Variants in GPR75 observed in about 807,000 individuals in gnomAD.
GPR75 encodes G protein-coupled receptor 75, also known as probable G protein-coupled receptor 75.
GPR75 carries 27 observed loss-of-function variants against 26.0 expected under a neutral mutation model. The ratio of observed to expected loss-of-function variants is 1.04; its 90% CI spans 0.77 to 1.43. The LOEUF (loss-of-function observed/expected upper bound fraction) is 1.43, where lower values mean the gene tolerates loss of function less well. Ranked by LOEUF, GPR75 falls within the 40% of genes most tolerant of loss-of-function variation. The pLI is 0.00. For missense variants in GPR75, 699 were observed against 662.3 expected (o/e 1.06, Z -0.61); for synonymous variants, 285 against 256.3 (o/e 1.11, Z -1.07).
intron 1 of GPR75, 38 bp downstream of exon 1, chr2:53,859,790 G>C (rs1364074320): frequency 6.8e-7 from 1 of 1,469,598 alleles, no homozygotes; most frequent in Admixed American, 2.1e-5. Context: ...CTCCGGCATC[G>C]TGGGGTTGTC....
rs1678185458 is a variant in GPR75, at chr2:53,854,824, A to AGTGATATGTGACAATGTGT, written c.-69_-68insACACATTGTCACATATCAC. The AGTGATATGTGACAATGTGT allele has an allele frequency of 3.2e-6, 4 of 1,255,980 alleles. No individual in the cohort carries two copies. The South Asian group carries it at 4.1e-5, about 13-fold the overall frequency. 77.8% of individuals were successfully genotyped at this position (1,255,980 alleles called of 1,614,324 possible). On this transcript the variant is annotated 5_prime_UTR_variant, in exon 2 of 2. An upstream open reading frame in the 5' UTR loses its in-frame stop. Transcript: ENST00000394705. ...TCAGTGAGTCAGGGCCTCAGCTCAC[A>AGTGATATGTGACAATGTGT]GATGAGCAATATGTGACAAAAGAGG...
Position 53,853,778 on chromosome 2 carries a change from C to T in GPR75, c.979G>A (p.Val327Met), listed in dbSNP as rs1450354970. 4.3e-6 allele frequency: 7 copies of T among 1,614,222 alleles called. No individual in the cohort carries two copies. The highest frequency in any genetic ancestry group is 5.1e-6 in the Non-Finnish European group (6 of 1,180,038). Residue 327 changes from valine to methionine, a missense_variant, in exon 2 of 2, where the codon GTG becomes ATG. Coordinates refer to ENST00000394705, the MANE Select transcript of GPR75 (RefSeq NM_006794.4). ...AGACAGCACACCAGGACTGACAGCA[C>T]AATGATCACACAGGTGACCACGGCT... ...SKAVVTCVII[V>M]LSVLVCCLPL...
Position 53,858,647 on chromosome 2 carries a change from T to C in GPR75, c.-110+1181A>G, listed in dbSNP as rs373206397. On this transcript the variant is annotated intron_variant, in intron 1 of 1. Transcript: ENST00000394705. ...GGAAAGTAAACTCAGGTCTTAGTAG[T>C]AACTCCTGAGACTTTAAGAAAAAGG... Among the ~76,000 whole-genome samples, 5 of 152,292 alleles carry C rather than the reference T, an allele frequency of 3.3e-5. No individual in the cohort carries two copies. The East Asian group carries it at 7.7e-4, about 23-fold the overall frequency.
In GPR75 at chr2:53,854,149, A is replaced by G. The variant is rs138609981; in HGVS notation, c.608T>C (p.Ile203Thr). 3.7e-6 allele frequency: 6 copies of G among 1,614,188 alleles called. No individual in the cohort carries two copies. Among genetic ancestry groups the G allele is most frequent in the Non-Finnish European group, 5.1e-6 (6 of 1,180,024 alleles). Residue 203 changes from isoleucine to threonine, a missense_variant, in exon 2 of 2, where the codon ATT becomes ACT. Transcript: ENST00000394705. ...SSLIAGKGKA[I>T]LSLYVVDFTF... ...GAAGTCGACCACATAGAGAGACAAAATGGCTTTCCCTTTTCCAGCAATCAG... is the reference window on the plus strand; with the variant it reads ...GAAGTCGACCACATAGAGAGACAAAGTGGCTTTCCCTTTTCCAGCAATCAG...
chr2:53,859,821 C>T lies in GPR75; in HGVS notation c.-110+7G>A, dbSNP rs1678332122. ...TTGTCCTCCTCCAGGGGCCCGCGGCCTCTCACCTGCCGGGTGGCCGCAGCG... is the reference window on the plus strand; with the variant it reads ...TTGTCCTCCTCCAGGGGCCCGCGGCTTCTCACCTGCCGGGTGGCCGCAGCG... On this transcript the variant is annotated splice_region_variant and intron_variant, in intron 1 of 1. Coordinates refer to ENST00000394705, the MANE Select transcript of GPR75 (RefSeq NM_006794.4). The T allele has an allele frequency of 1.3e-6, 2 of 1,529,718 alleles. No individual in the cohort carries two copies. Among genetic ancestry groups the T allele is most frequent in the South Asian group, 2.4e-5 (2 of 82,892 alleles). The allele number at this position is 1,529,718 out of a possible 1,614,324, so 94.8% of individuals were successfully genotyped here. A position where few individuals can be genotyped will look rare whatever the true frequency, so the allele number is the denominator to read the frequency against.
intron 1 of GPR75, among the ~76,000 whole-genome samples, chr2:53,857,111 C>T (rs1678251369): frequency 6.7e-6 from 1 of 150,092 alleles, no homozygotes; most frequent in Non-Finnish European, 1.5e-5. Context: ...CTACAGGCGC[C>T]CGCCACCGTG....
Position 53,853,214 on chromosome 2 carries a change from T to C in GPR75, c.1543A>G (p.Met515Val). Reference protein sequence around the residue: ...SFGFANSYIAMHYHTTNDLVQ... With the variant: ...SFGFANSYIAVHYHTTNDLVQ... Reference sequence around the variant, plus strand: ...AAGTCATTAGTGGTGTGATAATGCATGGCAATATATGAATTGGCAAATCCA... The same window carrying C: ...AAGTCATTAGTGGTGTGATAATGCACGGCAATATATGAATTGGCAAATCCA... Residue 515 changes from methionine (M) to valine (V), a missense_variant, in exon 2 of 2, where the codon ATG becomes GTG. Met to Val is a conservative substitution (Grantham distance 21). Transcript: ENST00000394705. The C allele has an allele frequency of 1.9e-6, 3 of 1,613,318 alleles. No individual in the cohort carries two copies. The highest frequency in any genetic ancestry group is 2.5e-6 in the Non-Finnish European group (3 of 1,179,226).
At position 53,853,489 on chromosome 2, in the gene GPR75, G is replaced by A. The variant is rs1678143730; in HGVS notation, c.1268C>T (p.Ser423Phe). The change falls in exon 2 of 2, where the codon TCC (serine) becomes TTC (phenylalanine). Residue 423 changes from serine (S) to phenylalanine (F), a missense_variant. Transcript: ENST00000394705. ...GNLEVNRNKS[S>F]HHETNSAYML... is the part of the protein sequence containing the mutation. ...GTAGGCAGAGTTTGTTTCATGATGGGAGGATTTGTTTCTGTTGACTTCGAG... is the reference window on the plus strand; with the variant it reads ...GTAGGCAGAGTTTGTTTCATGATGGAAGGATTTGTTTCTGTTGACTTCGAG... 2 of 1,614,070 alleles carry A rather than the reference G, an allele frequency of 1.2e-6. No homozygotes were observed. The highest frequency in any genetic ancestry group is 1.7e-6 in the Non-Finnish European group (2 of 1,179,974).
chr2:53,854,046 C>T lies in GPR75; in HGVS notation c.711G>A (p.Lys237=). 1 of 1,614,174 alleles carries T rather than the reference C, an allele frequency of 6.2e-7. No individual in the cohort carries two copies. Among genetic ancestry groups the T allele is most frequent in the Non-Finnish European group, 8.5e-7 (1 of 1,179,998 alleles). The change falls in exon 2 of 2, where the codon AAG becomes AAA. Residue 237 remains lysine, a synonymous_variant. Coordinates refer to ENST00000394705, the MANE Select transcript of GPR75 (RefSeq NM_006794.4). ...CATCGACTGTGATTACAGGGGGGCACTTTCTGACTTGAGCGTTCTTCCGCA... is the reference window on the plus strand; with the variant it reads ...CATCGACTGTGATTACAGGGGGGCATTTTCTGACTTGAGCGTTCTTCCGCA... The part of the protein sequence containing the change: ...QTLRKNAQVR[K]CPPVITVDAS...
At position 53,854,380 on chromosome 2, in the gene GPR75, G is replaced by C; in HGVS notation, c.377C>G (p.Ser126Ter). The C allele has an allele frequency of 2.5e-6, 4 of 1,614,102 alleles. No homozygotes were observed. Among genetic ancestry groups the C allele is most frequent in the Non-Finnish European group, 3.4e-6 (4 of 1,179,994 alleles). The change falls in exon 2 of 2, where the codon TCA (serine) becomes TGA (stop). Residue 126 changes from serine to a stop codon, truncating the protein, a stop_gained. Transcript: ENST00000394705. LOFTEE classifies it high-confidence loss of function. ...CTTCAGAGACATGATGATGAAGCCT[G>C]AACTGGTGAGATGGAAAGTGAAGCA... The part of the protein sequence containing the change: ...AFCFTFHLTS[S>*]GFIIMSLKTV...
intron 1 of GPR75, among the ~76,000 whole-genome samples, chr2:53,855,342 T>C (rs1219762999): frequency 6.6e-6 from 1 of 152,230 alleles, no homozygotes; most frequent in Non-Finnish European, 1.5e-5. Context: ...AGCAGATTTC[T>C]TGGCCTCGCC....
chr2:53,857,151 T>C (rs1051579786), intron 1 of GPR75, among the ~76,000 whole-genome samples: 1 of 150,554 alleles, frequency 6.6e-6, no homozygotes, highest in South Asian at 2.1e-4. Flanking sequence ...GTATTTTTAG[T>C]AGAGACGGGG....
At chr2:53,858,178 A>G (rs1478262664) in intron 1 of GPR75, among the ~76,000 whole-genome samples, 1 of 152,200 alleles carries the variant, frequency 6.6e-6, no homozygotes, top group Admixed American at 6.5e-5. Context: ...TAACCCGAAC[A>G]ACAAAAAAAC....
chr2:53,859,567 C>T (rs938201467), intron 1 of GPR75, among the ~76,000 whole-genome samples: 6 of 87,756 alleles, frequency 6.8e-5, no homozygotes, highest in African/African-American at 1.6e-4. Context: ...CAAAAGAATG[C>T]CGCAGAGGGG....
intron 1 of GPR75, among the ~76,000 whole-genome samples, chr2:53,855,438 C>A (rs1678201463): frequency 6.6e-6 from 1 of 152,116 alleles, no homozygotes; most frequent in Admixed American, 6.5e-5. Flanking sequence ...AGAACGTAAT[C>A]TCTCCACCAA....
Position 53,854,824 on chromosome 2 carries a change from A to T in GPR75, c.-68T>A. On this transcript the variant is annotated 5_prime_UTR_variant, in exon 2 of 2. Transcript: ENST00000394705. ...TCAGTGAGTCAGGGCCTCAGCTCAC[A>T]GATGAGCAATATGTGACAAAAGAGG... 1 of 1,256,096 alleles carries T rather than the reference A, an allele frequency of 8.0e-7. No homozygotes were observed. Among genetic ancestry groups the T allele is most frequent in the South Asian group, 1.4e-5 (1 of 73,448 alleles). The allele number at this position is 1,256,096 out of a possible 1,614,324, so 77.8% of individuals were successfully genotyped here. A position where few individuals can be genotyped will look rare whatever the true frequency, so the allele number is the denominator to read the frequency against.
At position 53,859,783 on chromosome 2, in the gene GPR75, C is replaced by T. The variant is rs565109876; in HGVS notation, c.-110+45G>A. 2.8e-5 allele frequency: 41 copies of T among 1,442,422 alleles called. No homozygotes were observed. The East Asian group carries it at 9.2e-4, about 32-fold the overall frequency. The allele number at this position is 1,442,422 out of a possible 1,614,324, so 89.4% of individuals were successfully genotyped here. ...CCCGCCAGCCTCCGGGAGCCGTCTC[C>T]GGCATCGTGGGGTTGTCCTCCTCCA... is the stretch of plus-strand genomic sequence containing the variant. On this transcript the variant is annotated intron_variant, in intron 1 of 1. Coordinates refer to ENST00000394705, the MANE Select transcript of GPR75 (RefSeq NM_006794.4).
chr2:53,856,265 A>G (rs1310599723), intron 1 of GPR75, among the ~76,000 whole-genome samples: 1 of 152,184 alleles, frequency 6.6e-6, no homozygotes, highest in African/African-American at 2.4e-5. Context: ...CCCAAATCCC[A>G]AAGTCCTGCA....
chr2:53,859,040 A>C (rs1351564132), intron 1 of GPR75, among the ~76,000 whole-genome samples: 1 of 150,872 alleles, frequency 6.6e-6, no homozygotes, highest in Non-Finnish European at 1.5e-5. Flanking sequence ...TTTTTCATTA[A>C]GATATGTGAA....
Sources: gnomAD v4.1 joint callset for allele counts (sites outside exome capture counted in the v4.1 genomes callset) on GRCh38, gnomAD v4.1.1 for gene constraint, MANE v1.5 for transcripts, NCBI Gene and HGNC (gene_info 2026-07-23, HGNC 2026-07-21) for gene names.